Variants in RYR2 observed in about 807,000 individuals in gnomAD.
The protein encoded by RYR2 is cardiac muscle ryanodine receptor-calcium release channel.
A neutral mutation model predicts 601.1 loss-of-function variants in RYR2; 227 were observed. That is an observed-to-expected ratio of 0.38 (90% CI 0.34 to 0.42). The LOEUF is 0.42. Among genes scored for constraint, RYR2 ranks in the 10% least tolerant of loss-of-function variants. The pLI is 1.00. For synonymous variants in RYR2, 2,223 were observed against 2,175.1 expected, an observed-to-expected ratio of 1.02 and a Z score of -0.61; for missense variants, 4,646 against 6,156.5, an observed-to-expected ratio of 0.75 and a Z score of 8.21.
At chr1:237,732,398 A>G (rs1454661176) in intron 78 of RYR2, among the ~76,000 whole-genome samples, 1 of 152,118 alleles carries the variant, frequency 6.6e-6, no homozygotes, top group Admixed American at 6.5e-5. Flanking sequence ...GTTGATTCTG[A>G]TTCTTCTTAT....
rs564220973 is a variant in RYR2, at chr1:237,831,941, G to C, written c.14808+376G>C. Among the ~76,000 whole-genome samples, 5 of 152,230 alleles carry C rather than the reference G, an allele frequency of 3.3e-5. 1 individual carries two copies. Among genetic ancestry groups the C allele is most frequent in the African/African-American group, 1.2e-4 (5 of 41,554 alleles). On this transcript the variant is annotated intron_variant, in intron 104 of 104. Coordinates refer to ENST00000366574, the MANE Select transcript of RYR2 (RefSeq NM_001035.3). ...CATGTTAAATGCCTAAGGTGTTTAA[G>C]CTATTTGAAATTCCTCTTCCACTGT...
At chr1:237,404,117 G>A (rs1354845008) in intron 10 of RYR2, among the ~76,000 whole-genome samples, 1 of 152,110 alleles carries the variant, frequency 6.6e-6, no homozygotes, top group Non-Finnish European at 1.5e-5. Flanking sequence ...AGCCAGGCCT[G>A]GTGGCATGCA....
At chr1:237,196,364 A>G (rs1315770540) in intron 1 of RYR2, among the ~76,000 whole-genome samples, 1 of 152,134 alleles carries the variant, frequency 6.6e-6, no homozygotes, top group East Asian at 1.9e-4. Context: ...TTTCATTTGC[A>G]TTATCTTATT....
At chr1:237,551,371 A>G (rs1321314203) in intron 27 of RYR2, among the ~76,000 whole-genome samples, 1 of 151,962 alleles carries the variant, frequency 6.6e-6, no homozygotes, top group Non-Finnish European at 1.5e-5. Context: ...CTACTAAAAA[A>G]TACAAAAAAA....
At chr1:237,740,507 A>G (rs1045874589) in intron 79 of RYR2, among the ~76,000 whole-genome samples, 2 of 152,178 alleles carry the variant, frequency 1.3e-5, no homozygotes, top group Non-Finnish European at 2.9e-5. Flanking sequence ...TAAATGGATT[A>G]TCCCTTTGTA....
chr1:237,639,185 G>A lies in RYR2; in HGVS notation c.7099G>A (p.Gly2367Arg), dbSNP rs369152386. Residue 2367 changes from glycine (G) to arginine (R), a missense_variant, in exon 46 of 105, where the codon GGA becomes AGA. This residue lies in a region of RYR2 where 1,497 missense variants were observed against 1,842.6 expected (regional missense o/e 0.81). Coordinates refer to ENST00000366574, the MANE Select transcript of RYR2 (RefSeq NM_001035.3). ...PSRDGPSPNSGSSKTLDTEEE... is the reference protein window; with the variant it reads ...PSRDGPSPNSRSSKTLDTEEE... ...CCGAGATGGTCCCTCACCAAATAGC[G>A]GATCCAGTAAAACACTGTAGGTCTA... 1.2e-4 allele frequency: 188 copies of A among 1,612,902 alleles called. No individual in the cohort carries two copies. The highest frequency in any genetic ancestry group is 4.9e-4 in the Middle Eastern group (3 of 6,070).
intron 43 of RYR2, among the ~76,000 whole-genome samples, chr1:237,634,584 C>T (rs186573896): frequency 1.3e-5 from 2 of 152,226 alleles, no homozygotes; most frequent in African/African-American, 2.4e-5. Context: ...TCTTGAAAAT[C>T]GCTGCCAGAG....
chr1:237,765,319 T>G (rs1396379064), intron 84 of RYR2, among the ~76,000 whole-genome samples: 1 of 47,440 alleles, frequency 2.1e-5, no homozygotes, highest in Non-Finnish European at 4.0e-5. Flanking sequence ...AGATACTGAA[T>G]TTTTTTTTTT....
At position 237,496,499 on chromosome 1, in the gene RYR2, G is replaced by A. The variant is rs368241264; in HGVS notation, c.1962-12G>A. The A allele has an allele frequency of 1.1e-5, 18 of 1,608,898 alleles. No individual in the cohort carries two copies. Among genetic ancestry groups the A allele is most frequent in the African/African-American group, 5.3e-5 (4 of 74,798 alleles). On this transcript the variant is annotated splice_polypyrimidine_tract_variant and intron_variant, in intron 19 of 104. Transcript: ENST00000366574. ...TGGACTTTCCTTACATGTGATTCCCGTCTCTTTAAAGCATGAGACCCAATA... is the reference window on the plus strand; with the variant it reads ...TGGACTTTCCTTACATGTGATTCCCATCTCTTTAAAGCATGAGACCCAATA...
chr1:237,264,346 T>C (rs1424997749), intron 1 of RYR2, among the ~76,000 whole-genome samples: 1 of 152,206 alleles, frequency 6.6e-6, no homozygotes, highest in Non-Finnish European at 1.5e-5. Flanking sequence ...CTGAATGCCT[T>C]ATCTACTTTC....
At chr1:237,249,107 G>A (rs960909167) in intron 1 of RYR2, among the ~76,000 whole-genome samples, 3 of 152,108 alleles carry the variant, frequency 2.0e-5, no homozygotes, top group African/African-American at 7.2e-5. Context: ...TTTAGATTGA[G>A]CATCTTTGGA....
intron 2 of RYR2, among the ~76,000 whole-genome samples, chr1:237,286,971 T>G (rs1026035106): frequency 3.3e-5 from 5 of 152,236 alleles, no homozygotes; most frequent in Admixed American, 6.5e-5. Flanking sequence ...AGGATTTGTT[T>G]CAAGATTCTG....
chr1:237,209,031 A>T lies in RYR2; in HGVS notation c.49-61466A>T, dbSNP rs1310692192. ...GATTCAGCCATGTGAAAATTTTTTA[A>T]AAAGTTTAATATTAATATAACATAT... On this transcript the variant is annotated intron_variant, in intron 1 of 104. Coordinates refer to ENST00000366574, the MANE Select transcript of RYR2 (RefSeq NM_001035.3). Among the ~76,000 whole-genome samples the T allele has an allele frequency of 2.2e-5, 3 of 139,420 alleles. 1 individual carries two copies. Among genetic ancestry groups the T allele is most frequent in the Non-Finnish European group, 3.1e-5 (2 of 65,262 alleles). 91.5% of individuals were successfully genotyped at this position (139,420 alleles called of 152,430 possible).
chr1:237,394,830 A>G (rs1016672380), intron 10 of RYR2, among the ~76,000 whole-genome samples: 11 of 152,322 alleles, frequency 7.2e-5, no homozygotes, highest in African/African-American at 2.4e-4. Context: ...GGTAATTTAT[A>G]AAGACAAGAG....
chr1:237,733,894 T>C, intron 79 of RYR2, 138 bp downstream of exon 79: 2 of 675,862 alleles, frequency 3.0e-6, no homozygotes, highest in Non-Finnish European at 2.6e-6. Context: ...CTAAATTCCA[T>C]GGCAGGTCAT....
At chr1:237,761,474 C>T (rs1036114890) in intron 84 of RYR2, among the ~76,000 whole-genome samples, 1 of 152,176 alleles carries the variant, frequency 6.6e-6, no homozygotes, top group African/African-American at 2.4e-5. Context: ...CTATTCCCTC[C>T]TCTTCCCTTC....
chr1:237,086,339 T>A lies in RYR2; in HGVS notation c.48+43770T>A, dbSNP rs180674326. 1.8e-3 allele frequency among the ~76,000 whole-genome samples: 269 copies of A among 152,322 alleles called. No individual in the cohort carries two copies. The Middle Eastern group carries it at 0.02, about 12-fold the overall frequency. ...TCTTCTTCTAAGCTCACTAGTCATA[T>A]TGGATGAGGGCTCACCCTCATTTCC... On this transcript the variant is annotated intron_variant, in intron 1 of 104. Transcript: ENST00000366574.
intron 25 of RYR2, among the ~76,000 whole-genome samples, chr1:237,536,755 AGG>A (rs1668673468): frequency 7.5e-6 from 1 of 133,076 alleles, no homozygotes; most frequent in Admixed American, 7.7e-5. Context: ...GCATGGTGGC[AGG>A]CGCCTGTAGT....
intron 34 of RYR2, among the ~76,000 whole-genome samples, chr1:237,596,888 T>C (rs1370729331): frequency 2.0e-5 from 3 of 152,176 alleles, no homozygotes; most frequent in Admixed American, 1.3e-4. Flanking sequence ...CAGCCAAGAA[T>C]ACTATGTCTA....
Sources: gnomAD v4.1 joint callset for allele counts (sites outside exome capture counted in the v4.1 genomes callset) on GRCh38, gnomAD v4.1.1 for gene constraint, gnomAD v4.1.1 regional missense constraint, MANE v1.5 for transcripts, NCBI Gene and HGNC (gene_info 2026-07-23, HGNC 2026-07-21) for gene names.